The following MIGA2 variants were observed in gnomAD, a reference collection of about 807,000 sequenced individuals.
MIGA2 encodes the protein mitoguardin 2, also known as family with sequence similarity 73, member B.
A neutral mutation model predicts 69.9 loss-of-function variants in MIGA2; 36 were observed. That is an observed-to-expected ratio of 0.52 (90% CI 0.39 to 0.68). The LOEUF is 0.68. Ranked by LOEUF, MIGA2 falls within the 30% of genes least tolerant of loss-of-function variation. MIGA2 has a pLI of 0.00. For missense variants in MIGA2, 660 were observed against 787.7 expected (o/e 0.84, Z 1.94); for synonymous variants, 333 against 349.2 (o/e 0.95, Z 0.52).
In MIGA2 at chr9:129,061,255, G is replaced by A. The variant is rs369671866; in HGVS notation, c.919G>A (p.Asp307Asn). The A allele has an allele frequency of 2.5e-5, 41 of 1,609,384 alleles. No homozygotes were observed. The African/African-American group carries it at 5.1e-4, about 20-fold the overall frequency. ...TELFESLQTG[D>N]YPIPLSRPAA... ...GCTCTTTGAGTCCCTGCAGACTGGA[G>A]ATTACCCGATCCCACTCTCCAGACC... The change falls in exon 9 of 16, where the codon GAT becomes AAT. Residue 307 changes from aspartate (D) to asparagine (N), a missense_variant. By Grantham distance (23) the Asp-to-Asn change is conservative. Around this residue, in one of 3 missense-constraint regions of MIGA2, gnomAD observed 386 missense variants for 402.0 expected, o/e 0.96. Transcript: ENST00000684074. This position sits in a 1 kb window ranked among gnomAD's most constrained non-coding sequence, Gnocchi z 5.0.
At chr9:129,045,739 C>T (rs1231412104) in intron 3 of MIGA2, among the ~76,000 whole-genome samples, 1 of 151,576 alleles carries the variant, frequency 6.6e-6, no homozygotes, top group Non-Finnish European at 1.5e-5. Context: ...GAGTCGCTGT[C>T]TCTGTTAAAA....
chr9:129,061,732 A>C lies in MIGA2; in HGVS notation c.1010+386A>C, dbSNP rs1846077120. ...CAGATTTACTAAGCATTCCATATGA[A>C]AACAAAAGTAAATTCTCAGCGGGTA... On this transcript the variant is annotated intron_variant, in intron 9 of 15. Transcript: ENST00000684074. This position sits in a 1 kb window ranked among gnomAD's most constrained non-coding sequence, Gnocchi z 5.0. 6.6e-6 allele frequency among the ~76,000 whole-genome samples: 1 copy of C among 152,194 alleles called. No individual in the cohort carries two copies. The highest frequency in any genetic ancestry group is 1.5e-5 in the Non-Finnish European group (1 of 68,028).
intron 11 of MIGA2, among the ~76,000 whole-genome samples, chr9:129,066,115 G>C (rs1026018362): frequency 2.0e-5 from 3 of 152,156 alleles, no homozygotes; most frequent in Non-Finnish European, 4.4e-5. Flanking sequence ...GAGTTCATTC[G>C]AGCCTCACTG....
At chr9:129,038,007 G>A (rs998702757) in intron 1 of MIGA2, among the ~76,000 whole-genome samples, 5 of 152,184 alleles carry the variant, frequency 3.3e-5, no homozygotes, top group African/African-American at 9.7e-5. Context: ...GATCTGGCCT[G>A]GAATAAGAGC....
chr9:129,069,024 C>T lies in MIGA2; in HGVS notation c.1405-52C>T. On this transcript the variant is annotated intron_variant, in intron 13 of 15. Transcript: ENST00000684074. This position sits in a 1 kb window ranked among gnomAD's most constrained non-coding sequence, Gnocchi z 4.9. Reference sequence around the variant, plus strand: ...TGCTGGGCTGGCAGAGGGCGAGGGGCTGTGGGCTAGGCCCATTTTGACACC... The same window carrying T: ...TGCTGGGCTGGCAGAGGGCGAGGGGTTGTGGGCTAGGCCCATTTTGACACC... 1.2e-6 allele frequency: 2 copies of T among 1,605,510 alleles called. No individual in the cohort carries two copies. Among genetic ancestry groups the T allele is most frequent in the Non-Finnish European group, 1.7e-6 (2 of 1,172,424 alleles).
rs202077335 is a variant in MIGA2 at position 129,063,540 on chromosome 9, C to T, written c.1084-5C>T. 5.6e-6 allele frequency: 9 copies of T among 1,613,674 alleles called. No individual in the cohort carries two copies. The Admixed American group carries it at 8.3e-5, about 15-fold the overall frequency. ...GCTCACTCCCCTCCCTTCCTCCTTCCCTAGGGGCTTCTGGAAGACAAGAGT... is the reference window on the plus strand; with the variant it reads ...GCTCACTCCCCTCCCTTCCTCCTTCTCTAGGGGCTTCTGGAAGACAAGAGT... On this transcript the variant is annotated splice_region_variant and splice_polypyrimidine_tract_variant and intron_variant, in intron 10 of 15. Coordinates refer to ENST00000684074, the MANE Select transcript of MIGA2 (RefSeq NM_001329990.2).
chr9:129,050,258 C>T (rs942266324), intron 6 of MIGA2, among the ~76,000 whole-genome samples: 1 of 150,498 alleles, frequency 6.6e-6, no homozygotes, highest in Non-Finnish European at 1.5e-5. Flanking sequence ...GGCTGCATTG[C>T]CTGGCCTTTG....
At position 129,063,529 on chromosome 9, in the gene MIGA2, C is replaced by G; in HGVS notation, c.1084-16C>G. On this transcript the variant is annotated splice_polypyrimidine_tract_variant and intron_variant, in intron 10 of 15. Coordinates refer to ENST00000684074, the MANE Select transcript of MIGA2 (RefSeq NM_001329990.2). ...CGTGCCCGGCAGCTCACTCCCCTCC[C>G]TTCCTCCTTCCCTAGGGGCTTCTGG... 1 of 1,613,448 alleles carries G rather than the reference C, an allele frequency of 6.2e-7. No homozygotes were observed. The highest frequency in any genetic ancestry group is 8.5e-7 in the Non-Finnish European group (1 of 1,179,622).
At chr9:129,052,675 T>C (rs1234663694) in intron 6 of MIGA2, among the ~76,000 whole-genome samples, 1 of 152,102 alleles carries the variant, frequency 6.6e-6, no homozygotes, top group East Asian at 1.9e-4. Flanking sequence ...TACCCGTGTG[T>C]CCCATTGGCC....
intron 11 of MIGA2, among the ~76,000 whole-genome samples, chr9:129,066,537 G>A (rs1846352904): frequency 6.6e-6 from 1 of 150,944 alleles, no homozygotes. Context: ...AGCTGGGCAT[G>A]GTGGTGGGCG....
rs944859190 is a variant in MIGA2 at position 129,068,550 on chromosome 9, G to A, written c.1404+218G>A. 10 of 570,934 alleles carry A rather than the reference G, an allele frequency of 1.8e-5. No homozygotes were observed. The highest frequency in any genetic ancestry group is 5.6e-5 in the African/African-American group (3 of 53,380). 35.4% of individuals were successfully genotyped at this position (570,934 alleles called of 1,614,324 possible). On this transcript the variant is annotated intron_variant, in intron 13 of 15. Coordinates refer to ENST00000684074, the MANE Select transcript of MIGA2 (RefSeq NM_001329990.2). This position sits in a 1 kb window ranked among gnomAD's most constrained non-coding sequence, Gnocchi z 4.1. The stretch of plus-strand genomic sequence containing the variant: ...CCAGTTTAGAACCAACATGGTGTGC[G>A]CTTTCTTCCTATTGTGTGGTTTTAC...
At chr9:129,070,142 G>A (rs889175074) in intron 15 of MIGA2, 105 bp from the exon 16 acceptor site, 4 of 1,382,820 alleles carry the variant, frequency 2.9e-6, no homozygotes, top group Non-Finnish European at 4.0e-6. Context: ...GGATGGAAAG[G>A]ACCGGCTGGG....
chr9:129,070,127 C>A, intron 15 of MIGA2, 120 bp from the exon 16 acceptor site: 1 of 1,305,292 alleles, frequency 7.7e-7, no homozygotes, highest in Non-Finnish European at 1.1e-6. Flanking sequence ...GAGGGAGGAG[C>A]CTGGGGATGG....
chr9:129,069,555 CG>C lies in MIGA2; in HGVS notation c.1459-291del. 1.9e-6 allele frequency: 1 copy of C among 528,016 alleles called. No homozygotes were observed. Among genetic ancestry groups the C allele is most frequent in the Non-Finnish European group, 3.4e-6 (1 of 291,336 alleles). The allele number at this position is 528,016 out of a possible 1,614,324, so 32.7% of individuals were successfully genotyped here. ...GCCTGTGGTTTGTCGTTCCCCTCTG[CG>C]GGCCAGGCTCTGTTGCCTAGCTGAT... On this transcript the variant is annotated intron_variant, in intron 14 of 15. Coordinates refer to ENST00000684074, the MANE Select transcript of MIGA2 (RefSeq NM_001329990.2). This position sits in a 1 kb window ranked among gnomAD's most constrained non-coding sequence, Gnocchi z 4.9.
rs752740711 is a variant in MIGA2, at chr9:129,069,914, C to T, written c.1524C>T (p.Phe508=). 83 of 1,613,044 alleles carry T rather than the reference C, an allele frequency of 5.1e-5. No individual in the cohort carries two copies. Among genetic ancestry groups the T allele is most frequent in the Admixed American group, 3.3e-4 (20 of 59,812 alleles). Residue 508 remains phenylalanine, a synonymous_variant, in exon 15 of 16, where the codon TTC becomes TTT. Coordinates refer to ENST00000684074, the MANE Select transcript of MIGA2 (RefSeq NM_001329990.2). This position sits in a 1 kb window ranked among gnomAD's most constrained non-coding sequence, Gnocchi z 4.9. The stretch of plus-strand genomic sequence containing the variant: ...AGCATGTGAGCCCTGTCCTAGCCTT[C>T]GGCTTCCTTGGACCCAAGCCTCAGC... ...VSEHVSPVLA[F]GFLGPKPQLA... is the part of the protein sequence containing the mutation.
chr9:129,061,108 G>T lies in MIGA2; in HGVS notation c.895-123G>T. 1.3e-6 allele frequency: 1 copy of T among 763,746 alleles called. No individual in the cohort carries two copies. Among genetic ancestry groups the T allele is most frequent in the Non-Finnish European group, 2.3e-6 (1 of 444,308 alleles). 47.3% of individuals were successfully genotyped at this position (763,746 alleles called of 1,614,324 possible). On this transcript the variant is annotated intron_variant, in intron 8 of 15. Transcript: ENST00000684074. This position sits in a 1 kb window ranked among gnomAD's most constrained non-coding sequence, Gnocchi z 5.0. ...GTGTTCCCTCTGACATCCCCTCAGAGACGTTGGCAGTGGGCAGGCACCTGG... is the reference window on the plus strand; with the variant it reads ...GTGTTCCCTCTGACATCCCCTCAGATACGTTGGCAGTGGGCAGGCACCTGG...
At chr9:129,064,181 G>A (rs1001175341) in intron 11 of MIGA2, among the ~76,000 whole-genome samples, 1 of 152,008 alleles carries the variant, frequency 6.6e-6, no homozygotes, top group Non-Finnish European at 1.5e-5. Flanking sequence ...TTATTGATGA[G>A]GTTGCATAAT....
In MIGA2 at chr9:129,068,184, G is replaced by A. The variant is rs764282445; in HGVS notation, c.1270-14G>A. On this transcript the variant is annotated splice_polypyrimidine_tract_variant and intron_variant, in intron 12 of 15. Coordinates refer to ENST00000684074, the MANE Select transcript of MIGA2 (RefSeq NM_001329990.2). This position sits in a 1 kb window ranked among gnomAD's most constrained non-coding sequence, Gnocchi z 4.1. ...TGCCCCCATGCATGAGCCTCCCGGGGGCACCCTCTGTAGGTGGTATGCATG... is the reference window on the plus strand; with the variant it reads ...TGCCCCCATGCATGAGCCTCCCGGGAGCACCCTCTGTAGGTGGTATGCATG... The A allele has an allele frequency of 6.8e-6, 11 of 1,613,700 alleles. No homozygotes were observed. Among genetic ancestry groups the A allele is most frequent in the Non-Finnish European group, 7.6e-6 (9 of 1,180,002 alleles).
At chr9:129,036,826 C>T (rs1056667667) in intron 1 of MIGA2, 145 bp downstream of exon 1, 2 of 498,898 alleles carry the variant, frequency 4.0e-6, no homozygotes, top group Admixed American at 6.4e-5. Flanking sequence ...GTACCCGGGC[C>T]GGGGACGGTG....
Sources: gnomAD v4.1 joint callset for allele counts (sites outside exome capture counted in the v4.1 genomes callset) on GRCh38, gnomAD v4.1.1 for gene constraint, gnomAD v4.1.1 regional missense constraint, Gnocchi (gnomAD v3.1) non-coding constraint, MANE v1.5 for transcripts, NCBI Gene and HGNC (gene_info 2026-07-23, HGNC 2026-07-21) for gene names.